Variants in LARP1B observed in about 807,000 individuals in gnomAD.
LARP1B encodes the protein la-related protein 1B.
A neutral mutation model predicts 114.2 loss-of-function variants in LARP1B; 76 were observed. That is an observed-to-expected ratio of 0.67 (90% CI 0.55 to 0.81). LARP1B has a LOEUF of 0.81. Among genes scored for constraint, LARP1B ranks in the 30% least tolerant of loss-of-function variants. LARP1B has a pLI of 0.00. For missense variants in LARP1B, 1,014 were observed against 1,075.8 expected (o/e 0.94, Z 0.80); for synonymous variants, 345 against 348.0 (o/e 0.99, Z 0.10).
At chr4:128,219,139 G>GA (rs1450167107) in intron 6 of LARP1B, among the ~76,000 whole-genome samples, 1 of 151,112 alleles carries the variant, frequency 6.6e-6, no homozygotes, top group African/African-American at 2.4e-5. Flanking sequence ...CAAAAGTCAG[G>GA]AAACAACAGG....
At chr4:128,084,590 G>T (rs953145565) in intron 5 of LARP1B, among the ~76,000 whole-genome samples, 1 of 144,262 alleles carries the variant, frequency 6.9e-6, no homozygotes, top group South Asian at 2.1e-4. Context: ...GTCCAGCTTC[G>T]GCTCGGCATC....
chr4:128,185,532 TTG>T (rs1491285147), intron 15 of LARP1B, among the ~76,000 whole-genome samples: 1 of 96,652 alleles, frequency 1.0e-5, no homozygotes, highest in Non-Finnish European at 2.6e-5. Context: ...ATTATTTGTA[TTG>T]TTTTTTTTTT....
At chr4:128,219,643 G>T (rs918324987) in intron 6 of LARP1B, among the ~76,000 whole-genome samples, 4 of 113,868 alleles carry the variant, frequency 3.5e-5, no homozygotes, top group Admixed American at 1.9e-4. Context: ...TGGGGACTGT[G>T]GTGGGGTGGG....
intron 1 of LARP1B, among the ~76,000 whole-genome samples, chr4:128,071,300 C>T (rs1408230666): frequency 6.6e-6 from 1 of 152,172 alleles, no homozygotes; most frequent in Non-Finnish European, 1.5e-5. Flanking sequence ...CCACCTCGGC[C>T]TCCCAAAGTG....
At chr4:128,195,769 C>G (rs571758904) in intron 15 of LARP1B, among the ~76,000 whole-genome samples, 1 of 152,174 alleles carries the variant, frequency 6.6e-6, no homozygotes, top group South Asian at 2.1e-4. Context: ...AAAAGAAGAG[C>G]AAACTAAACC....
chr4:128,128,222 T>G (rs1219249484), intron 11 of LARP1B, among the ~76,000 whole-genome samples: 1 of 152,072 alleles, frequency 6.6e-6, no homozygotes, highest in Non-Finnish European at 1.5e-5. Flanking sequence ...TTGATGGTGG[T>G]TTTTCATATG....
At chr4:128,097,253 C>T (rs759826130) in intron 7 of LARP1B, among the ~76,000 whole-genome samples, 3 of 152,024 alleles carry the variant, frequency 2.0e-5, no homozygotes, top group Admixed American at 1.3e-4. Flanking sequence ...GAACTTGAAT[C>T]GTTCAAAATA....
chr4:128,186,259 T>C (rs1300018134), intron 15 of LARP1B, among the ~76,000 whole-genome samples: 1 of 152,176 alleles, frequency 6.6e-6, no homozygotes, highest in African/African-American at 2.4e-5. Flanking sequence ...TGCTGCATAG[T>C]ATTGAGATTT....
chr4:128,120,645 T>C (rs1181458705), intron 10 of LARP1B, among the ~76,000 whole-genome samples: 2 of 150,794 alleles, frequency 1.3e-5, no homozygotes, highest in Non-Finnish European at 3.0e-5. Context: ...AATTTTTGCA[T>C]TTTTAGTAGA....
chr4:128,186,465 T>C (rs761088623), intron 15 of LARP1B, among the ~76,000 whole-genome samples: 2 of 152,142 alleles, frequency 1.3e-5, no homozygotes, highest in Non-Finnish European at 2.9e-5. Flanking sequence ...GCTTTTGGCA[T>C]ATATAAATGC....
chr4:128,174,698 CT>C (rs1468471527), intron 12 of LARP1B, among the ~76,000 whole-genome samples: 1 of 151,978 alleles, frequency 6.6e-6, no homozygotes, highest in Non-Finnish European at 1.5e-5. Context: ...GTTTGACATT[CT>C]TTTTTAATCT....
chr4:128,109,852 A>G (rs1257269284), intron 9 of LARP1B, among the ~76,000 whole-genome samples: 1 of 152,056 alleles, frequency 6.6e-6, no homozygotes, highest in African/African-American at 2.4e-5. Context: ...AAAAAAAATC[A>G]TACCAGAGAT....
chr4:128,212,961 C>T (rs551611701), downstream of LARP1B, among the ~76,000 whole-genome samples: 1 of 141,938 alleles, frequency 7.0e-6, no homozygotes, highest in Non-Finnish European at 1.5e-5. Flanking sequence ...TCTTGTTGCC[C>T]GGGCTGGAGT....
intron 11 of LARP1B, among the ~76,000 whole-genome samples, chr4:128,125,210 G>A (rs1319216392): frequency 1.3e-5 from 2 of 149,614 alleles, no homozygotes; most frequent in Non-Finnish European, 2.9e-5. Flanking sequence ...TACCCAAAAC[G>A]GGTAAAAACC....
chr4:128,080,011 T>C (rs993005580), intron 4 of LARP1B, among the ~76,000 whole-genome samples: 1 of 150,752 alleles, frequency 6.6e-6, no homozygotes, highest in African/African-American at 2.4e-5. Flanking sequence ...TGAGATGGAG[T>C]TTCGCTCTTG....
At chr4:128,068,548 G>A (rs747967457) in intron 1 of LARP1B, among the ~76,000 whole-genome samples, 3 of 151,910 alleles carry the variant, frequency 2.0e-5, no homozygotes, top group Admixed American at 6.6e-5. Flanking sequence ...TGTTGCCTAG[G>A]CTGGTCTCAG....
chr4:128,098,978 A>G (rs1038044227), intron 8 of LARP1B, among the ~76,000 whole-genome samples: 27 of 150,158 alleles, frequency 1.8e-4, no homozygotes, highest in Admixed American at 1.5e-3. Context: ...TGGCTTCACT[A>G]TCTTGGCCAG....
At chr4:128,206,676 T>C (rs949302684) in intron 18 of LARP1B, 139 bp downstream of exon 18, 1 of 1,379,744 alleles carries the variant, frequency 7.2e-7, no homozygotes, top group Non-Finnish European at 9.3e-7. Context: ...TGTTTCTTGA[T>C]GAAGGATGGG....
chr4:128,166,792 G>T (rs1288280967), intron 12 of LARP1B, among the ~76,000 whole-genome samples: 1 of 149,856 alleles, frequency 6.7e-6, no homozygotes, highest in Non-Finnish European at 1.5e-5. Flanking sequence ...TTTTTTTAAA[G>T]ATTCTATATA....
Sources: gnomAD v4.1 joint callset for allele counts (sites outside exome capture counted in the v4.1 genomes callset) on GRCh38, gnomAD v4.1.1 for gene constraint, MANE v1.5 for transcripts, NCBI Gene and HGNC (gene_info 2026-07-23, HGNC 2026-07-21) for gene names.